LARP1B: variants seen among roughly 807,000 people sequenced by gnomAD.
LARP1B encodes the protein la-related protein 1B.
A neutral mutation model predicts 114.2 loss-of-function variants in LARP1B; 76 were observed. The observed-to-expected ratio is 0.67, with a 90% CI of 0.55 to 0.81. The LOEUF (loss-of-function observed/expected upper bound fraction) is 0.81, where lower values mean the gene tolerates loss of function less well. Among genes scored for constraint, LARP1B ranks in the 30% least tolerant of loss-of-function variants. The probability of loss-of-function intolerance (pLI) is 0.00; values close to 1 mark genes in which losing one functional copy is unlikely to be tolerated. For missense variants in LARP1B, 1,014 were observed against 1,075.8 expected (o/e 0.94, Z 0.80); for synonymous variants, 345 against 348.0 (o/e 0.99, Z 0.10).
In LARP1B at chr4:128,209,928, C is replaced by G. The variant is rs148933955; in HGVS notation, c.2620C>G (p.Leu874Val). 5.0e-6 allele frequency: 8 copies of G among 1,613,714 alleles called. No homozygotes were observed. In the African/African-American group the frequency reaches 1.1e-4, roughly 22 times the overall value. The change falls in exon 20 of 20, where the codon CTT becomes GTT. Residue 874 changes from leucine (L) to valine (V), a missense_variant. Transcript: ENST00000326639. ...TGGTGAGGAGAGTAATCGTCATAGA[C>G]TTCCACCTAATTCCTCTACAAAGCC... is the stretch of plus-strand genomic sequence containing the variant. Reference protein sequence around the residue: ...TSGEESNRHRLPPNSSTKPPN... With the variant: ...TSGEESNRHRVPPNSSTKPPN...
intron 19 of LARP1B, among the ~76,000 whole-genome samples, chr4:128,208,726 G>A (rs538236468): frequency 6.6e-6 from 1 of 152,272 alleles, no homozygotes; most frequent in Admixed American, 6.5e-5. Context: ...AACTGGAAAG[G>A]CATAAAAAGC....
intron 11 of LARP1B, among the ~76,000 whole-genome samples, chr4:128,160,838 A>G (rs190340152): frequency 2.0e-5 from 3 of 152,350 alleles, no homozygotes; most frequent in Admixed American, 1.3e-4. Context: ...ATCATAATCT[A>G]AAAGGCTAAC....
chr4:128,155,617 C>A, intron 11 of LARP1B: 2 of 1,217,858 alleles, frequency 1.6e-6, no homozygotes, highest in Non-Finnish European at 2.4e-6. Flanking sequence ...CAGCCCCCTA[C>A]AACCCCAGCC....
At chr4:128,159,017 T>TA (rs111692263) in intron 11 of LARP1B, among the ~76,000 whole-genome samples, 60,820 of 146,634 alleles carry the variant, frequency 0.41, 13,631 homozygotes, top group African/African-American at 0.6. Flanking sequence ...AAAAAAAAAT[T>TA]AAAAAAAAAA....
chr4:128,175,502 A>G (rs1745490797), intron 12 of LARP1B, among the ~76,000 whole-genome samples: 1 of 152,202 alleles, frequency 6.6e-6, no homozygotes, highest in Admixed American at 6.5e-5. Context: ...TCCTTCTGCA[A>G]TCCTTACATA....
At chr4:128,113,343 CTTTTTTTCTTTTTTT>C (rs1184501697) in intron 9 of LARP1B, among the ~76,000 whole-genome samples, 1 of 147,786 alleles carries the variant, frequency 6.8e-6, no homozygotes, top group Non-Finnish European at 1.5e-5. Flanking sequence ...TTTTTCTTTT[CTTTTTTTCTTTTTTT>C]TTTTTTTTGA....
chr4:128,136,529 T>TA (rs1725398039), intron 11 of LARP1B, among the ~76,000 whole-genome samples: 1 of 152,136 alleles, frequency 6.6e-6, no homozygotes, highest in African/African-American at 2.4e-5. Flanking sequence ...CAAAAGTTGG[T>TA]AAAACAAATC....
chr4:128,161,828 C>A (rs1298304127), intron 11 of LARP1B, among the ~76,000 whole-genome samples: 4 of 152,054 alleles, frequency 2.6e-5, no homozygotes, highest in Non-Finnish European at 1.5e-5. Context: ...GTGTTCATTT[C>A]TTCCTTTTCA....
intron 1 of LARP1B, among the ~76,000 whole-genome samples, chr4:128,073,587 T>G (rs866364729): frequency 0.012 from 356 of 29,686 alleles, no homozygotes; most frequent in African/African-American, 0.043. Flanking sequence ...TTTTTTTTTT[T>G]TTTTTTTTTT....
At chr4:128,205,304 G>A (rs1757271034) in intron 17 of LARP1B, among the ~76,000 whole-genome samples, 1 of 152,198 alleles carries the variant, frequency 6.6e-6, no homozygotes, top group Admixed American at 6.5e-5. Context: ...TTTCTGCTGA[G>A]GTACCCAGAA....
At position 128,211,455 on chromosome 4, in the gene LARP1B, C is replaced by T. The variant is rs1445743813; in HGVS notation, c.*1402C>T. The T allele has an allele frequency of 2.2e-6, 2 of 917,182 alleles. No individual in the cohort carries two copies. Among genetic ancestry groups the T allele is most frequent in the African/African-American group, 1.8e-5 (1 of 55,736 alleles). The allele number at this position is 917,182 out of a possible 1,614,324, so 56.8% of individuals were successfully genotyped here. ...AATAGGTTTTCATTAAGTTATTTCT[C>T]ATGATAAGTAATAATCAGCAGTTTT... On this transcript the variant is annotated 3_prime_UTR_variant, in exon 20 of 20. Transcript: ENST00000326639.
At chr4:128,175,238 GT>G (rs1034199289) in intron 12 of LARP1B, among the ~76,000 whole-genome samples, 1 of 152,008 alleles carries the variant, frequency 6.6e-6, no homozygotes, top group Non-Finnish European at 1.5e-5. Context: ...TTTTGGCATG[GT>G]TTTTTTCCTA....
At chr4:128,191,665 G>A (rs1337877301) in intron 15 of LARP1B, among the ~76,000 whole-genome samples, 2 of 152,132 alleles carry the variant, frequency 1.3e-5, no homozygotes, top group African/African-American at 2.4e-5. Context: ...ACTCTGATAT[G>A]GCATCTCTTT....
chr4:128,123,503 A>T, intron 11 of LARP1B: 1 of 514,176 alleles, frequency 1.9e-6, no homozygotes, highest in Non-Finnish European at 2.5e-6. Flanking sequence ...TCACCATAGC[A>T]TATATCATTA....
intron 11 of LARP1B, among the ~76,000 whole-genome samples, chr4:128,151,811 C>T (rs1394959129): frequency 1.3e-5 from 2 of 152,120 alleles, no homozygotes; most frequent in African/African-American, 4.8e-5. Context: ...ACCATGTTGG[C>T]CAGGTTGGTC....
At chr4:128,166,395 ACTC>A (rs2150489656) in intron 12 of LARP1B, among the ~76,000 whole-genome samples, 1 of 151,790 alleles carries the variant, frequency 6.6e-6, no homozygotes, top group Admixed American at 6.6e-5. Flanking sequence ...ATTGTAATGA[ACTC>A]CTAGCCTGTC....
At chr4:128,213,910 G>T (rs1255366382), downstream of LARP1B, among the ~76,000 whole-genome samples, 1 of 151,900 alleles carries the variant, frequency 6.6e-6, no homozygotes, top group Non-Finnish European at 1.5e-5. Flanking sequence ...TCTCACTAGG[G>T]AGTGCCAGAC....
intron 11 of LARP1B, chr4:128,155,459 C>A: frequency 1.3e-6 from 1 of 751,132 alleles, no homozygotes; most frequent in East Asian, 2.5e-5. Context: ...CCGCGCAGCC[C>A]CCCGGCCGCA....
At chr4:128,180,527 C>G (rs1423958008) in intron 15 of LARP1B, among the ~76,000 whole-genome samples, 1 of 152,166 alleles carries the variant, frequency 6.6e-6, no homozygotes, top group African/African-American at 2.4e-5. Context: ...CTTCTGCACA[C>G]CTGTGGTATA....
Sources: allele counts gnomAD v4.1 joint callset (sites outside exome capture counted in the v4.1 genomes callset), GRCh38; gene constraint gnomAD v4.1.1; transcripts MANE v1.5; gene names NCBI Gene and HGNC (gene_info 2026-07-23, HGNC 2026-07-21).